OCIAD1: variants seen among roughly 807,000 people sequenced by gnomAD.
OCIAD1 encodes OCIA domain containing 1, also known as OCIA domain-containing protein 1.
A neutral mutation model predicts 38.9 loss-of-function variants in OCIAD1; 29 were observed. The observed-to-expected ratio is 0.74, with a 90% CI of 0.55 to 1.02. The LOEUF (loss-of-function observed/expected upper bound fraction) is 1.02, where lower values mean the gene tolerates loss of function less well. Ranked by LOEUF, OCIAD1 falls within the 50% of genes least tolerant of loss-of-function variation. The pLI is 0.00. For synonymous variants in OCIAD1, 110 were observed against 92.0 expected (o/e 1.20, Z -1.12); for missense variants, 288 against 289.6 (o/e 0.99, Z 0.04).
intron 4 of OCIAD1, 45 bp downstream of exon 4, chr4:48,842,734 G>A: frequency 9.6e-7 from 1 of 1,046,714 alleles, no homozygotes; most frequent in Non-Finnish European, 1.4e-6. Context: ...TGGATACCAT[G>A]TTTGTTTTGT....
At chr4:48,809,760 G>C (rs1229313144) in intron 1 of OCIAD1, among the ~76,000 whole-genome samples, 1 of 152,046 alleles carries the variant, frequency 6.6e-6, no homozygotes, top group African/African-American at 2.4e-5. Flanking sequence ...CCATTCCTTT[G>C]TTCTTCCCTT....
intron 4 of OCIAD1, among the ~76,000 whole-genome samples, chr4:48,846,368 A>G (rs1319572211): frequency 6.6e-6 from 1 of 152,242 alleles, no homozygotes; most frequent in East Asian, 1.9e-4. Flanking sequence ...GGTGAGATTC[A>G]TCCAGTAGCA....
intron 6 of OCIAD1, 120 bp downstream of exon 6, chr4:48,850,202 T>A: frequency 1.9e-6 from 2 of 1,036,244 alleles, no homozygotes; most frequent in Non-Finnish European, 2.9e-6. Context: ...CCATTTGCTG[T>A]AGGCTAAAAG....
chr4:48,825,028 C>T (rs561878273), intron 1 of OCIAD1, among the ~76,000 whole-genome samples: 3 of 152,154 alleles, frequency 2.0e-5, no homozygotes, highest in South Asian at 2.1e-4. Flanking sequence ...TGAGCCACTG[C>T]GCCTGGCTGG....
chr4:48,832,750 T>C (rs369866830), intron 2 of OCIAD1, 68 bp downstream of exon 2: 2 of 1,179,292 alleles, frequency 1.7e-6, no homozygotes, highest in Non-Finnish European at 2.5e-6. Context: ...CTGCCTTGAG[T>C]AACAGTGGCA....
At chr4:48,852,974 C>T (rs1414243266) in intron 7 of OCIAD1, among the ~76,000 whole-genome samples, 1 of 150,150 alleles carries the variant, frequency 6.7e-6, no homozygotes, top group African/African-American at 2.5e-5. Context: ...CTCCGCCCCC[C>T]CAGCTTCACG....
At chr4:48,822,618 T>C (rs1275407308) in intron 1 of OCIAD1, among the ~76,000 whole-genome samples, 1 of 152,110 alleles carries the variant, frequency 6.6e-6, no homozygotes, top group Non-Finnish European at 1.5e-5. Flanking sequence ...ACCTACAGAA[T>C]GGGAGAAAAT....
intron 1 of OCIAD1, among the ~76,000 whole-genome samples, chr4:48,812,399 C>T (rs1179320279): frequency 6.7e-6 from 1 of 148,154 alleles, no homozygotes; most frequent in Non-Finnish European, 1.5e-5. Context: ...AAAGTGGCTA[C>T]CGAGATGTCC....
chr4:48,834,597 TTG>T (rs1315631283), intron 3 of OCIAD1, among the ~76,000 whole-genome samples: 1 of 152,152 alleles, frequency 6.6e-6, no homozygotes, highest in African/African-American at 2.4e-5. Context: ...TAGAGGGGCC[TTG>T]TCTCTACCAA....
chr4:48,815,564 A>T (rs1456424195), intron 1 of OCIAD1, among the ~76,000 whole-genome samples: 1 of 152,226 alleles, frequency 6.6e-6, no homozygotes, highest in African/African-American at 2.4e-5. Context: ...TAAAAGTCTG[A>T]AAACTACAGT....
At chr4:48,827,888 G>A (rs1020407828), upstream of OCIAD1, among the ~76,000 whole-genome samples, 4 of 152,232 alleles carry the variant, frequency 2.6e-5, no homozygotes, top group African/African-American at 9.6e-5. Flanking sequence ...TCTAGCTGGA[G>A]GATTGTGTAT....
At chr4:48,834,903 G>A (rs1278824757) in intron 3 of OCIAD1, among the ~76,000 whole-genome samples, 3 of 152,126 alleles carry the variant, frequency 2.0e-5, no homozygotes, top group African/African-American at 7.2e-5. Flanking sequence ...ATGAAAGACA[G>A]ACTTTGTCCT....
upstream of OCIAD1, among the ~76,000 whole-genome samples, chr4:48,828,731 C>G (rs1777277919): frequency 1.3e-5 from 2 of 152,174 alleles, no homozygotes; most frequent in Admixed American, 1.3e-4. Flanking sequence ...ACGAACCCAC[C>G]AGAAGGAATA....
intron 1 of OCIAD1, among the ~76,000 whole-genome samples, chr4:48,822,641 C>G (rs995647673): frequency 1.3e-5 from 2 of 152,084 alleles, no homozygotes; most frequent in African/African-American, 4.8e-5. Context: ...TTGCAAGCTA[C>G]CCTTCCAACA....
At chr4:48,805,783 T>A (rs1298026934) in intron 1 of OCIAD1, among the ~76,000 whole-genome samples, 3 of 152,144 alleles carry the variant, frequency 2.0e-5, no homozygotes, top group East Asian at 1.9e-4. Context: ...AGAAAAAAAA[T>A]TTTTTAATGC....
At chr4:48,832,323 ATGTC>A (rs772957224) in intron 1 of OCIAD1, among the ~76,000 whole-genome samples, 72 of 152,338 alleles carry the variant, frequency 4.7e-4, no homozygotes, top group Non-Finnish European at 7.4e-4. Context: ...AGGAAAAAAT[ATGTC>A]TGTTATTTTA....
In OCIAD1 at chr4:48,833,408, G is replaced by C. The variant is rs144906055; in HGVS notation, c.66G>C (p.Gly22=). 6.3e-7 allele frequency: 1 copy of C among 1,586,138 alleles called. No individual in the cohort carries two copies. Among genetic ancestry groups the C allele is most frequent in the South Asian group, 1.1e-5 (1 of 89,726 alleles). ...ATTTTCCCTGGTAAAAAGACATAGG[G>C]CCTGATTACATTCCAACAGAGGAAG... is the stretch of plus-strand genomic sequence containing the variant. ...AEVPRPIPHI[G]PDYIPTEEER... is the part of the protein sequence containing the mutation. The change falls in exon 3 of 9, where the codon GGG becomes GGC. Residue 22 remains glycine, a synonymous_variant. Coordinates refer to ENST00000264312, the MANE Select transcript of OCIAD1 (RefSeq NM_017830.4).
intron 4 of OCIAD1, among the ~76,000 whole-genome samples, chr4:48,846,035 C>G (rs532969662): frequency 2.0e-5 from 3 of 152,196 alleles, no homozygotes; most frequent in Admixed American, 2.0e-4. Context: ...GAATAGCAAC[C>G]ATGACACTAT....
At chr4:48,853,361 A>T (rs1337498927) in intron 7 of OCIAD1, among the ~76,000 whole-genome samples, 2 of 152,128 alleles carry the variant, frequency 1.3e-5, no homozygotes, top group Non-Finnish European at 2.9e-5. Context: ...TCCTGTCCTA[A>T]ACCTCTGAAT....
Sources: allele counts gnomAD v4.1 joint callset (sites outside exome capture counted in the v4.1 genomes callset), GRCh38; gene constraint gnomAD v4.1.1; transcripts MANE v1.5; gene names NCBI Gene and HGNC (gene_info 2026-07-23, HGNC 2026-07-21).